The following SLC5A9 variants were observed in gnomAD, a reference collection of about 807,000 sequenced individuals.
SLC5A9 encodes sodium/glucose cotransporter 4.
A neutral mutation model predicts 70.9 loss-of-function variants in SLC5A9; 59 were observed. The observed-to-expected ratio is 0.83, with a 90% CI of 0.68 to 1.03. SLC5A9 has a LOEUF of 1.03. Ranked by LOEUF, SLC5A9 falls within the 50% of genes least tolerant of loss-of-function variation. The pLI, the probability that SLC5A9 is intolerant of heterozygous loss-of-function variation, is 0.00. For missense variants in SLC5A9, 832 were observed against 881.1 expected, an observed-to-expected ratio of 0.94 and a Z score of 0.71; for synonymous variants, 340 against 346.5, an observed-to-expected ratio of 0.98 and a Z score of 0.21.
chr1:48,232,070 C>T lies in SLC5A9; in HGVS notation c.816C>T (p.Asp272=). 1 of 1,614,134 alleles carries T rather than the reference C, an allele frequency of 6.2e-7. No individual in the cohort carries two copies. The highest frequency in any genetic ancestry group is 8.5e-7 in the Non-Finnish European group (1 of 1,179,976). The change falls in exon 7 of 14, where the codon GAC becomes GAT. Residue 272 remains aspartate (D), a synonymous_variant. Transcript: ENST00000438567. ...PRPDAFHILR[D]PVSGDIPWPG... Reference sequence around the variant, plus strand: ...CCGATGCTTTCCACATTCTTCGGGACCCTGTGAGCGGGGACATCCCTTGGC... The same window carrying T: ...CCGATGCTTTCCACATTCTTCGGGATCCTGTGAGCGGGGACATCCCTTGGC...
chr1:48,244,234 G>A (rs376441451), intron 13 of SLC5A9, among the ~76,000 whole-genome samples: 5 of 152,180 alleles, frequency 3.3e-5, no homozygotes, highest in Admixed American at 6.5e-5. Flanking sequence ...CCAGCCTCTT[G>A]TGTGCCAAAC....
In SLC5A9 at chr1:48,239,327, T is replaced by C; in HGVS notation, c.1467T>C (p.Ala489=). 2 of 1,609,128 alleles carry C rather than the reference T, an allele frequency of 1.2e-6. No individual in the cohort carries two copies. Among genetic ancestry groups the C allele is most frequent in the Non-Finnish European group, 1.7e-6 (2 of 1,176,552 alleles). ...TTGTCTGCCCTCTCTCACAGGGAGC[T>C]TTCTGGGGCCTCGTGTTTGGCCTGG... ...IFCKRVTEPG[A]FWGLVFGLGV... is the part of the protein sequence containing the mutation. The change falls in exon 12 of 14, where the codon GCT becomes GCC. Residue 489 remains alanine, a synonymous_variant. Coordinates refer to ENST00000438567, the MANE Select transcript of SLC5A9 (RefSeq NM_001011547.3). This position sits in a 1 kb window ranked among gnomAD's most constrained non-coding sequence, Gnocchi z 4.2.
intron 5 of SLC5A9, 134 bp from the exon 6 acceptor site, chr1:48,231,411 C>A: frequency 1.9e-6 from 2 of 1,068,974 alleles, no homozygotes; most frequent in Non-Finnish European, 2.7e-6. Context: ...CGGAGAAAGG[C>A]AGTGGCCAGA....
chr1:48,223,200 C>G (rs988055540), intron 1 of SLC5A9, among the ~76,000 whole-genome samples: 5 of 152,134 alleles, frequency 3.3e-5, no homozygotes, highest in Non-Finnish European at 7.3e-5. Flanking sequence ...CTGAGCCTCA[C>G]TCCTTCCTTC....
chr1:48,244,711 A>AAT lies in SLC5A9; in HGVS notation c.1837+2109_1837+2110dup, dbSNP rs541187180. Reference sequence around the variant, plus strand: ...ACTTCATGGTATATTTTGCTTTGCAAATATATATATATATAAAATATATAA... The same window carrying AAT: ...ACTTCATGGTATATTTTGCTTTGCAAATATATATATATATATAAAATATATAA... On this transcript the variant is annotated intron_variant, in intron 13 of 13. Coordinates refer to ENST00000438567, the MANE Select transcript of SLC5A9 (RefSeq NM_001011547.3). Among the ~76,000 whole-genome samples, 44 of 136,146 alleles carry AAT rather than the reference A, an allele frequency of 3.2e-4. 1 individual carries two copies. Among genetic ancestry groups the AAT allele is most frequent in the Middle Eastern group, 3.6e-3 (1 of 274 alleles). The allele number at this position is 136,146 out of a possible 152,430, so 89.3% of individuals were successfully genotyped here. A position where few individuals can be genotyped will look rare whatever the true frequency, so the allele number is the denominator to read the frequency against.
At chr1:48,246,941 G>A (rs549571089) in intron 13 of SLC5A9, among the ~76,000 whole-genome samples, 33 of 152,312 alleles carry the variant, frequency 2.2e-4, no homozygotes, top group African/African-American at 7.9e-4. Context: ...CAGTCTGTCT[G>A]GTTCAAACAC....
chr1:48,230,688 C>T lies in SLC5A9; in HGVS notation c.593C>T (p.Ala198Val), dbSNP rs753658145. Residue 198 changes from alanine to valine, a missense_variant, in exon 5 of 14, where the codon GCC becomes GTC. Transcript: ENST00000438567. ...LSTGILLVVT[A>V]VYTIAGGLMA... ...ACAGGGATCCTGCTGGTGGTGACTG[C>T]CGTCTACACCATTGCAGGTAGGCAG... 6.2e-7 allele frequency: 1 copy of T among 1,613,192 alleles called. No homozygotes were observed. Among genetic ancestry groups the T allele is most frequent in the South Asian group, 1.1e-5 (1 of 91,024 alleles).
rs1644371424 is a variant in SLC5A9, at chr1:48,239,776, T to G, written c.1677+239T>G. Among the ~76,000 whole-genome samples, 1 of 152,154 alleles carries G rather than the reference T, an allele frequency of 6.6e-6. No homozygotes were observed. Among genetic ancestry groups the G allele is most frequent in the African/African-American group, 2.4e-5 (1 of 41,434 alleles). ...AGGCACTGTGCTGGGCTTACAAAGA[T>G]GAATGGTCCCTGCCAGAGACTATCC... On this transcript the variant is annotated intron_variant, in intron 12 of 13. Coordinates refer to ENST00000438567, the MANE Select transcript of SLC5A9 (RefSeq NM_001011547.3). This position sits in a 1 kb window ranked among gnomAD's most constrained non-coding sequence, Gnocchi z 4.2.
chr1:48,237,869 C>A, intron 11 of SLC5A9, 22 bp downstream of exon 11: 1 of 1,612,784 alleles, frequency 6.2e-7, no homozygotes, highest in East Asian at 2.2e-5. Flanking sequence ...GTACCTGTCT[C>A]TCACATACAG....
At chr1:48,227,270 AGAGTGT>A (rs1644168870) in intron 2 of SLC5A9, among the ~76,000 whole-genome samples, 1 of 54,116 alleles carries the variant, frequency 1.8e-5, no homozygotes, top group Admixed American at 2.6e-4. Flanking sequence ...CATGTGTGTC[AGAGTGT>A]GTGTGTGTAT....
In SLC5A9 at chr1:48,244,868, A is replaced by G. The variant is rs7413495; in HGVS notation, c.1837+2252A>G. ...ATATAAAACCTGTGTGTGTGTATGTATGTGTATGTGTATATATATATATAT... is the reference window on the plus strand; with the variant it reads ...ATATAAAACCTGTGTGTGTGTATGTGTGTGTATGTGTATATATATATATAT... On this transcript the variant is annotated intron_variant, in intron 13 of 13. Transcript: ENST00000438567. Among the ~76,000 whole-genome samples the G allele has an allele frequency of 7.6e-4, 17 of 22,272 alleles. 3 individuals are homozygous for G. The highest frequency in any genetic ancestry group is 3.0e-3 in the African/African-American group (15 of 5,064). 14.6% of individuals were successfully genotyped at this position (22,272 alleles called of 152,430 possible).
intron 12 of SLC5A9, chr1:48,240,245 G>A (rs1178081519): frequency 6.6e-6 from 1 of 152,232 alleles, no homozygotes; most frequent in Non-Finnish European, 1.5e-5. Flanking sequence ...GTAAAAGACT[G>A]TCTTCTCCTC....
At chr1:48,241,634 C>G (rs114566025) in intron 12 of SLC5A9, among the ~76,000 whole-genome samples, 4 of 152,198 alleles carry the variant, frequency 2.6e-5, no homozygotes, top group African/African-American at 9.7e-5. Context: ...TTTCTCCTCA[C>G]CTGAACATCT....
chr1:48,243,628 C>G (rs1482123623), intron 13 of SLC5A9, among the ~76,000 whole-genome samples: 1 of 152,054 alleles, frequency 6.6e-6, no homozygotes, highest in Admixed American at 6.6e-5. Flanking sequence ...CTATAAAGCT[C>G]TACCTGGGTG....
Position 48,239,258 on chromosome 1 carries a change from G to A in SLC5A9, c.1462-64G>A, listed in dbSNP as rs1036419323. The A allele has an allele frequency of 2.7e-5, 34 of 1,255,602 alleles. No homozygotes were observed. In the African/African-American group the frequency reaches 4.9e-4, roughly 18 times the overall value. The allele number at this position is 1,255,602 out of a possible 1,614,324, so 77.8% of individuals were successfully genotyped here. A position where few individuals can be genotyped will look rare whatever the true frequency, so the allele number is the denominator to read the frequency against. On this transcript the variant is annotated intron_variant, in intron 11 of 13. Coordinates refer to ENST00000438567, the MANE Select transcript of SLC5A9 (RefSeq NM_001011547.3). This position sits in a 1 kb window ranked among gnomAD's most constrained non-coding sequence, Gnocchi z 4.2. ...GGGAGAGAGATTTGGGGAGAGAGTA[G>A]TTTTACCTTCCTAGGGTCTCCCACC...
In SLC5A9 at chr1:48,247,609, G is replaced by A; in HGVS notation, c.*66G>A. On this transcript the variant is annotated 3_prime_UTR_variant, in exon 14 of 14. Transcript: ENST00000438567. The stretch of plus-strand genomic sequence containing the variant: ...CCCAAGCCTGTCAGCCACAGAAACA[G>A]GCTCTCCTCTTACTTTGCTGTCTAA... The A allele has an allele frequency of 6.6e-7, 1 of 1,509,646 alleles. No homozygotes were observed. The highest frequency in any genetic ancestry group is 9.2e-7 in the Non-Finnish European group (1 of 1,085,852). The allele number at this position is 1,509,646 out of a possible 1,614,324, so 93.5% of individuals were successfully genotyped here. A position where few individuals can be genotyped will look rare whatever the true frequency, so the allele number is the denominator to read the frequency against.
chr1:48,229,493 G>C (rs1201672570), intron 4 of SLC5A9, 34 bp downstream of exon 4: 15 of 1,609,378 alleles, frequency 9.3e-6, no homozygotes, highest in African/African-American at 2.7e-5. Context: ...ACTGTGTCTG[G>C]AAATGCTAAT....
chr1:48,235,954 G>A, intron 10 of SLC5A9, 75 bp downstream of exon 10: 1 of 1,575,874 alleles, frequency 6.3e-7, no homozygotes. Context: ...CCTGAACAGA[G>A]GTGGCTGGGT....
At position 48,239,659 on chromosome 1, in the gene SLC5A9, C is replaced by A; in HGVS notation, c.1677+122C>A. 1.1e-6 allele frequency: 1 copy of A among 908,450 alleles called. No individual in the cohort carries two copies. The highest frequency in any genetic ancestry group is 1.7e-6 in the Non-Finnish European group (1 of 582,580). The allele number at this position is 908,450 out of a possible 1,614,324, so 56.3% of individuals were successfully genotyped here. ...TCTCCCCTGTGGCCACACAGATGTC[C>A]TTGGGAGGGAAAGTGCCTTGGGCTA... On this transcript the variant is annotated intron_variant, in intron 12 of 13. Coordinates refer to ENST00000438567, the MANE Select transcript of SLC5A9 (RefSeq NM_001011547.3). This position sits in a 1 kb window ranked among gnomAD's most constrained non-coding sequence, Gnocchi z 4.2.
Sources: allele counts gnomAD v4.1 joint callset (sites outside exome capture counted in the v4.1 genomes callset), GRCh38; gene constraint gnomAD v4.1.1; non-coding constraint Gnocchi (gnomAD v3.1); transcripts MANE v1.5; gene names NCBI Gene and HGNC (gene_info 2026-07-23, HGNC 2026-07-21).